The following HDAC4 variants were observed in gnomAD, a reference collection of about 807,000 sequenced individuals.
The protein encoded by HDAC4 is histone deacetylase A.
In HDAC4, 16 loss-of-function variants were observed where a neutral mutation model predicts 135.1. That is an observed-to-expected ratio of 0.12 (90% CI 0.08 to 0.18). HDAC4 has a LOEUF of 0.18. Among genes scored for constraint, HDAC4 ranks in the 10% least tolerant of loss-of-function variants. The pLI is 1.00. For synonymous variants in HDAC4, 685 were observed against 653.4 expected (o/e 1.05, Z -0.74); for missense variants, 1,143 against 1,511.8 (o/e 0.76, Z 4.05).
rs1259367230 is a variant in HDAC4, at chr2:239,051,487, T to C, written c.*1610A>G. The C allele has an allele frequency of 6.6e-6, 1 of 152,384 alleles. No individual in the cohort carries two copies. The highest frequency in any genetic ancestry group is 1.5e-5 in the Non-Finnish European group (1 of 68,008). The allele number at this position is 152,384 out of a possible 1,614,324, so 9.4% of individuals were successfully genotyped here. ...TTAGACATTATTACCATTCAGAAAA[T>C]TGCTAAATGGTGAGGAAAAATGTAA... On this transcript the variant is annotated 3_prime_UTR_variant, in exon 27 of 27. Transcript: ENST00000543185.
chr2:239,075,705 C>G (rs1368099302), intron 22 of HDAC4, among the ~76,000 whole-genome samples: 1 of 152,254 alleles, frequency 6.6e-6, no homozygotes, highest in African/African-American at 2.4e-5. Context: ...TGTGGCTTCT[C>G]TGGCACCTTC....
chr2:239,352,628 G>A lies in HDAC4; in HGVS notation c.22+50C>T. 4 of 1,539,234 alleles carry A rather than the reference G, an allele frequency of 2.6e-6. No individual in the cohort carries two copies. The South Asian group carries it at 4.8e-5, about 18-fold the overall frequency. On this transcript the variant is annotated intron_variant, in intron 2 of 26. Transcript: ENST00000543185. The surrounding 1 kb of genome is among the most constrained non-coding windows in gnomAD (Gnocchi z 4.4). ...TGCAGTCACAAGAACTTCTACTTTG[G>A]GCAAAGAAAGCCCCGCTGTGTGCCC...
At chr2:239,053,951 G>A (rs897897640) in intron 25 of HDAC4, among the ~76,000 whole-genome samples, 75 of 152,178 alleles carry the variant, frequency 4.9e-4, no homozygotes, top group African/African-American at 1.6e-3. Context: ...GCTGGGTTGA[G>A]CCTTCCTATC....
intron 3 of HDAC4, among the ~76,000 whole-genome samples, chr2:239,224,275 A>T (rs1252430059): frequency 6.6e-6 from 1 of 152,140 alleles, no homozygotes; most frequent in Non-Finnish European, 1.5e-5. Flanking sequence ...ACCCGGACTG[A>T]GCCCCATCCA....
At chr2:239,273,448 C>G (rs563233417) in intron 2 of HDAC4, among the ~76,000 whole-genome samples, 6 of 152,204 alleles carry the variant, frequency 3.9e-5, no homozygotes, top group Admixed American at 3.9e-4. Flanking sequence ...CTGTGTGAGC[C>G]GAAGAGCTGA....
chr2:239,350,950 C>A (rs1407257243), intron 2 of HDAC4, among the ~76,000 whole-genome samples: 1 of 152,208 alleles, frequency 6.6e-6, no homozygotes, highest in African/African-American at 2.4e-5. Context: ...TATGCACCCC[C>A]ATTAAAATAA....
At chr2:239,334,849 C>T (rs1435013013) in intron 2 of HDAC4, among the ~76,000 whole-genome samples, 4 of 151,804 alleles carry the variant, frequency 2.6e-5, no homozygotes, top group East Asian at 1.9e-4. Context: ...GGTGAAACAC[C>T]CCCCTCTACT....
In HDAC4 at chr2:239,359,906, G is replaced by A. The variant is rs1213408542; in HGVS notation, c.-219-6988C>T. Among the ~76,000 whole-genome samples, 4 of 152,188 alleles carry A rather than the reference G, an allele frequency of 2.6e-5. No individual in the cohort carries two copies. In the South Asian group the frequency reaches 6.2e-4, roughly 24 times the overall value. On this transcript the variant is annotated intron_variant, in intron 1 of 26. Coordinates refer to ENST00000543185, the MANE Select transcript of HDAC4 (RefSeq NM_001378414.1). ...TGAACCCTTCTTTCTGGAAACCGGC[G>A]AGAACACAGAGTACTTGAGCCAAAG...
chr2:239,391,971 C>T (rs1055546481), intron 1 of HDAC4, among the ~76,000 whole-genome samples: 8 of 152,312 alleles, frequency 5.3e-5, no homozygotes, highest in African/African-American at 1.9e-4. Flanking sequence ...AGGGAGGGAC[C>T]GCGGGAAGCA....
chr2:239,378,662 G>A (rs575428258), intron 1 of HDAC4, among the ~76,000 whole-genome samples: 10 of 151,790 alleles, frequency 6.6e-5, no homozygotes, highest in Admixed American at 1.3e-4. Context: ...CAATGACCCC[G>A]GGAACCAATG....
intron 7 of HDAC4, chr2:239,155,620 C>A (rs1179132330): frequency 6.6e-6 from 1 of 152,562 alleles, no homozygotes; most frequent in African/African-American, 2.4e-5. Flanking sequence ...CGGCTCCCAG[C>A]AGCCCCTCAC....
intron 2 of HDAC4, among the ~76,000 whole-genome samples, chr2:239,237,327 A>G (rs1344422741): frequency 6.6e-6 from 1 of 152,078 alleles, no homozygotes. Context: ...GGATTTTTCT[A>G]TATTCTCCCA....
At chr2:239,225,692 A>G (rs1038250838) in intron 3 of HDAC4, among the ~76,000 whole-genome samples, 1 of 151,860 alleles carries the variant, frequency 6.6e-6, no homozygotes, top group African/African-American at 2.4e-5. Flanking sequence ...CCCCTTCCTC[A>G]GGCGCCTGAC....
intron 3 of HDAC4, among the ~76,000 whole-genome samples, chr2:239,209,056 T>G (rs553317929): frequency 3.3e-5 from 5 of 152,292 alleles, no homozygotes; most frequent in African/African-American, 1.2e-4. Context: ...TACGTATTAT[T>G]ATTTTTTAAA....
rs959947968 is a variant in HDAC4, at chr2:239,262,327, T to C, written c.23-25663A>G. Among the ~76,000 whole-genome samples, 5 of 152,200 alleles carry C rather than the reference T, an allele frequency of 3.3e-5. No individual in the cohort carries two copies. The highest frequency in any genetic ancestry group is 5.9e-5 in the Non-Finnish European group (4 of 68,030). On this transcript the variant is annotated intron_variant, in intron 2 of 26. Transcript: ENST00000543185. The surrounding 1 kb of genome is among the most constrained non-coding windows in gnomAD (Gnocchi z 4.1). ...TATCAGAGACCACAATAACACACTTTAGAAACAGAGTAGCAATTTGGTTCT... is the reference window on the plus strand; with the variant it reads ...TATCAGAGACCACAATAACACACTTCAGAAACAGAGTAGCAATTTGGTTCT...
At chr2:239,337,726 A>G (rs1692033816) in intron 2 of HDAC4, among the ~76,000 whole-genome samples, 3 of 152,084 alleles carry the variant, frequency 2.0e-5, no homozygotes, top group Non-Finnish European at 2.9e-5. Context: ...GACAGGATGC[A>G]CCCAAAGTGG....
At chr2:239,284,374 T>G (rs912973907) in intron 2 of HDAC4, among the ~76,000 whole-genome samples, 9 of 152,168 alleles carry the variant, frequency 5.9e-5, no homozygotes, top group African/African-American at 1.2e-4. Flanking sequence ...CCTGAGCCAC[T>G]GTGCTGACCC....
At chr2:239,183,010 T>G (rs566082489) in intron 4 of HDAC4, among the ~76,000 whole-genome samples, 42 of 152,354 alleles carry the variant, frequency 2.8e-4, no homozygotes, top group Admixed American at 2.1e-3. Flanking sequence ...AACTAGTCCC[T>G]CGCTAACTTT....
Position 239,167,962 on chromosome 2 carries a change from G to C in HDAC4, c.491-4039C>G, listed in dbSNP as rs2043211926. Reference sequence around the variant, plus strand: ...AGGACAGCAGCTCTGGGTGGGGCGGGGCGGGGCAGGTGGGGAGGGACGGCT... The same window carrying C: ...AGGACAGCAGCTCTGGGTGGGGCGGCGCGGGGCAGGTGGGGAGGGACGGCT... On this transcript the variant is annotated intron_variant, in intron 5 of 26. Coordinates refer to ENST00000543185, the MANE Select transcript of HDAC4 (RefSeq NM_001378414.1). The surrounding 1 kb of genome is among the most constrained non-coding windows in gnomAD (Gnocchi z 4.1). 6.6e-6 allele frequency among the ~76,000 whole-genome samples: 1 copy of C among 151,902 alleles called. No homozygotes were observed. Among genetic ancestry groups the C allele is most frequent in the African/African-American group, 2.4e-5 (1 of 41,352 alleles).
Sources: allele counts gnomAD v4.1 joint callset (sites outside exome capture counted in the v4.1 genomes callset), GRCh38; gene constraint gnomAD v4.1.1; non-coding constraint Gnocchi (gnomAD v3.1); transcripts MANE v1.5; gene names NCBI Gene and HGNC (gene_info 2026-07-23, HGNC 2026-07-21).